The following SFI1 variants were observed in gnomAD, a reference collection of about 807,000 sequenced individuals.
SFI1 encodes SFI1 centrin binding protein.
A neutral mutation model predicts 207.5 loss-of-function variants in SFI1; 195 were observed. That is an observed-to-expected ratio of 0.94 (90% confidence interval 0.84 to 1.06). SFI1 has a LOEUF of 1.06. Ranked by LOEUF, SFI1 falls within the 50% of genes least tolerant of loss-of-function variation. SFI1 has a pLI of 0.00. For synonymous variants in SFI1, 630 were observed against 598.9 expected (o/e 1.05, Z -0.76); for missense variants, 1,634 against 1,588.0 (o/e 1.03, Z -0.49).
At chr22:31,542,349 C>T (rs1034951351) in intron 4 of SFI1, among the ~76,000 whole-genome samples, 46 of 151,190 alleles carry the variant, frequency 3.0e-4, no homozygotes, top group African/African-American at 1.0e-3. Flanking sequence ...AAAAATAGGC[C>T]GGGCATGGTG....
intron 6 of SFI1, among the ~76,000 whole-genome samples, chr22:31,555,931 T>G (rs2061117723): frequency 6.6e-6 from 1 of 152,206 alleles, no homozygotes; most frequent in South Asian, 2.1e-4. Flanking sequence ...TTGGAGGCTG[T>G]CCTAAAAATG....
At chr22:31,599,880 AT>A (rs11382495) in intron 15 of SFI1, among the ~76,000 whole-genome samples, 2,410 of 143,840 alleles carry the variant, frequency 0.017, 12 homozygotes, top group Middle Eastern at 0.037. Flanking sequence ...TATTGTTGTT[AT>A]TTTTTTTTTT....
At chr22:31,616,660 G>A in intron 29 of SFI1, 85 bp from the exon 30 acceptor site, 1 of 1,426,454 alleles carries the variant, frequency 7.0e-7, no homozygotes, top group South Asian at 1.4e-5. Context: ...CCCCTGCAGG[G>A]CAGGCAGTGA....
At chr22:31,564,055 C>T (rs562988545) in intron 8 of SFI1, among the ~76,000 whole-genome samples, 36 of 151,648 alleles carry the variant, frequency 2.4e-4, no homozygotes, top group African/African-American at 7.0e-4. Context: ...AGGCCAGGCG[C>T]GGTGGCTCAC....
intron 2 of SFI1, among the ~76,000 whole-genome samples, chr22:31,511,464 G>GTTTTTTTT (rs758898165): frequency 2.0e-4 from 23 of 114,522 alleles, no homozygotes; most frequent in East Asian, 3.2e-4. Flanking sequence ...CATAGTTTCT[G>GTTTTTTTT]TTTTTTTTTT....
chr22:31,547,031 G>A (rs1472113471), intron 5 of SFI1, 60 bp downstream of exon 5: 4 of 1,266,526 alleles, frequency 3.2e-6, no homozygotes, highest in Non-Finnish European at 4.5e-6. Context: ...ATGATTATTT[G>A]TTGGCGTGTT....
chr22:31,616,546 C>T (rs2071506167), intron 29 of SFI1, 199 bp from the exon 30 acceptor site: 2 of 508,718 alleles, frequency 3.9e-6, no homozygotes, highest in Non-Finnish European at 6.8e-6. Flanking sequence ...GGACTTTCCC[C>T]TACAGTACCA....
intron 2 of SFI1, 100 bp from the exon 3 acceptor site, chr22:31,528,590 T>G: frequency 4.2e-5 from 45 of 1,072,202 alleles, no homozygotes; most frequent in Non-Finnish European, 5.8e-5. Context: ...TCAGTCTCAA[T>G]GAGCTTATCT....
At chr22:31,521,904 C>T (rs1400821341) in intron 2 of SFI1, among the ~76,000 whole-genome samples, 4 of 151,916 alleles carry the variant, frequency 2.6e-5, no homozygotes, top group African/African-American at 9.7e-5. Context: ...GCTGGGTCTG[C>T]AGGCATGCGT....
Position 31,618,444 on chromosome 22 carries a change from C to T in SFI1, c.*26C>T. 4 of 1,520,182 alleles carry T rather than the reference C, an allele frequency of 2.6e-6. No homozygotes were observed. Among genetic ancestry groups the T allele is most frequent in the Non-Finnish European group, 3.5e-6 (4 of 1,131,838 alleles). The allele number at this position is 1,520,182 out of a possible 1,614,324, so 94.2% of individuals were successfully genotyped here. A position where few individuals can be genotyped will look rare whatever the true frequency, so the allele number is the denominator to read the frequency against. ...CGTGTTCGCACCAGGAACGCAGGTG[C>T]TGGGCTGTCGGGGAGGCCTCAGGCC... On this transcript the variant is annotated 3_prime_UTR_variant, in exon 33 of 33. Transcript: ENST00000400288.
In SFI1 at chr22:31,617,039, A is replaced by G; in HGVS notation, c.3473A>G (p.Gln1158Arg). ...DLEAELEEIQ[Q>R]QLLHYQTTKQ... ...GAGGCTGAACTTGAGGAGATCCAGC[A>G]GCAACTACTGCACTACCAGACCACC... Residue 1158 changes from glutamine to arginine, a missense_variant, in exon 31 of 33, where the codon CAG (glutamine) becomes CGG (arginine). Coordinates refer to ENST00000400288, the MANE Select transcript of SFI1 (RefSeq NM_001007467.3). 1 of 1,614,094 alleles carries G rather than the reference A, an allele frequency of 6.2e-7. No homozygotes were observed. Among genetic ancestry groups the G allele is most frequent in the Non-Finnish European group, 8.5e-7 (1 of 1,180,032 alleles).
At chr22:31,529,529 A>C (rs2147321793) in intron 3 of SFI1, among the ~76,000 whole-genome samples, 1 of 152,320 alleles carries the variant, frequency 6.6e-6, no homozygotes, top group African/African-American at 2.4e-5. Context: ...GTCTCAGAAC[A>C]ACAACAACAG....
At chr22:31,538,032 C>T (rs534326011) in intron 4 of SFI1, among the ~76,000 whole-genome samples, 41 of 152,250 alleles carry the variant, frequency 2.7e-4, no homozygotes, top group African/African-American at 8.2e-4. Context: ...AGTGCAGTGA[C>T]GCGATCTTGG....
intron 4 of SFI1, among the ~76,000 whole-genome samples, chr22:31,533,032 A>G (rs541280534): frequency 4.5e-4 from 68 of 152,290 alleles, no homozygotes; most frequent in African/African-American, 1.6e-3. Context: ...AGAGGCGTTA[A>G]CATGATCCAA....
At chr22:31,609,245 G>A (rs147514845) in intron 22 of SFI1, among the ~76,000 whole-genome samples, 2,357 of 152,124 alleles carry the variant, frequency 0.015, 52 homozygotes, top group African/African-American at 0.049. Context: ...TGATCCGTCC[G>A]TCTCGGCCTC....
intron 1 of SFI1, among the ~76,000 whole-genome samples, chr22:31,505,077 T>C (rs2054408082): frequency 6.6e-6 from 1 of 152,112 alleles, no homozygotes; most frequent in African/African-American, 2.4e-5. Context: ...AATAATAATT[T>C]AAAAAACTAT....
intron 14 of SFI1, 132 bp downstream of exon 14, chr22:31,585,266 AGCT>A (rs2064878613): frequency 1.5e-6 from 1 of 666,772 alleles, no homozygotes; most frequent in Non-Finnish European, 2.5e-6. Flanking sequence ...GTGTTGAAAA[AGCT>A]CAAAGTCATT....
At chr22:31,503,054 CA>C (rs58386828) in intron 1 of SFI1, among the ~76,000 whole-genome samples, 33 of 103,120 alleles carry the variant, frequency 3.2e-4, no homozygotes, top group Admixed American at 4.7e-4. Context: ...GACTCTGTCT[CA>C]AAAAAAAAAA....
At position 31,616,437 on chromosome 22, in the gene SFI1, G is replaced by C. The variant is rs1175507336; in HGVS notation, c.3301-308G>C. On this transcript the variant is annotated intron_variant, in intron 29 of 32. Transcript: ENST00000400288. The stretch of plus-strand genomic sequence containing the variant: ...AAGGTCATGAGCTTAGAGCAGGTGG[G>C]GGTGGAGGGTTGGGTAAGGCAAGGC... 16 of 328,426 alleles carry C rather than the reference G, an allele frequency of 4.9e-5. No individual in the cohort carries two copies. The East Asian group carries it at 5.6e-4, about 12-fold the overall frequency. 20.3% of individuals were successfully genotyped at this position (328,426 alleles called of 1,614,324 possible).
Sources: gnomAD v4.1 joint callset for allele counts (sites outside exome capture counted in the v4.1 genomes callset) on GRCh38, gnomAD v4.1.1 for gene constraint, MANE v1.5 for transcripts, NCBI Gene and HGNC (gene_info 2026-07-23, HGNC 2026-07-21) for gene names.